MANBA: variants seen among roughly 807,000 people sequenced by gnomAD.
MANBA encodes the protein mannosidase beta.
Under a neutral mutation model 111.1 loss-of-function variants are expected in MANBA, and 83 were observed. That is an observed-to-expected ratio of 0.75 (90% CI 0.63 to 0.90). The LOEUF is 0.90. Ranked by LOEUF, MANBA falls within the 40% of genes least tolerant of loss-of-function variation. MANBA has a pLI of 0.00. For synonymous variants in MANBA, 370 were observed against 378.7 expected (o/e 0.98, Z 0.27); for missense variants, 1,036 against 1,069.0 (o/e 0.97, Z 0.43).
intron 1 of MANBA, chr4:102,729,954 A>T (rs1326809792): frequency 1.8e-6 from 2 of 1,104,630 alleles, no homozygotes; most frequent in Non-Finnish European, 1.4e-6. Flanking sequence ...AAGGGGGCTC[A>T]GCAGGCTCTG....
At chr4:102,727,896 T>A in intron 1 of MANBA, 1 of 523,978 alleles carries the variant, frequency 1.9e-6, no homozygotes, top group South Asian at 1.8e-5. Flanking sequence ...TTTATGAGGC[T>A]TTTCACTGCA....
At position 102,671,365 on chromosome 4, in the gene MANBA, A is replaced by C; in HGVS notation, c.1146T>G (p.Ala382=). The C allele has an allele frequency of 6.2e-7, 1 of 1,608,118 alleles. No individual in the cohort carries two copies. The highest frequency in any genetic ancestry group is 8.5e-7 in the Non-Finnish European group (1 of 1,174,660). The change falls in exon 9 of 17, where the codon GCT becomes GCG. Residue 382 remains alanine, a synonymous_variant. Transcript: ENST00000647097. ...LRLLLQSVVD[A]NMNTLRVWGG... ...CCCAAACCCGAAGAGTATTCATATT[A>C]GCATCCACAACAGACTGTAAAAGGA... is the stretch of plus-strand genomic sequence containing the variant.
At chr4:102,731,968 C>T (rs1016100806) in intron 1 of MANBA, among the ~76,000 whole-genome samples, 11 of 151,822 alleles carry the variant, frequency 7.2e-5, no homozygotes, top group African/African-American at 1.5e-4. Flanking sequence ...AGTGTAATGG[C>T]GCAATCCCAG....
Position 102,632,035 on chromosome 4 carries a change from T to C in MANBA, c.*22A>G, listed in dbSNP as rs760726619. On this transcript the variant is annotated 3_prime_UTR_variant, in exon 17 of 17. Coordinates refer to ENST00000647097, the MANE Select transcript of MANBA (RefSeq NM_005908.4). ...GAAATGCTTTATTCCCATTGTCCAC[T>C]GAAAATACAACCTAGATTCCTTCAG... 5.2e-6 allele frequency: 8 copies of C among 1,552,830 alleles called. No individual in the cohort carries two copies. The highest frequency in any genetic ancestry group is 7.1e-6 in the Non-Finnish European group (8 of 1,125,968).
Position 102,699,526 on chromosome 4 carries a change from C to T in MANBA, c.674-8755G>A, listed in dbSNP as rs1272701984. On this transcript the variant is annotated intron_variant, in intron 5 of 16. Transcript: ENST00000647097. Reference sequence around the variant, plus strand: ...AGATAGCTCTTATTATTTTGAGATACGTCCCATCAATACCTAATTTATTGA... The same window carrying T: ...AGATAGCTCTTATTATTTTGAGATATGTCCCATCAATACCTAATTTATTGA... Among the ~76,000 whole-genome samples the T allele has an allele frequency of 9.9e-3, 1,482 of 149,996 alleles. 22 individuals carry two copies. Among genetic ancestry groups the T allele is most frequent in the African/African-American group, 0.034 (1,367 of 40,598 alleles).
In MANBA at chr4:102,668,965, G is replaced by C; in HGVS notation, c.1315C>G (p.Gln439Glu). ...TTCTTGGAAGGGTAGTAACATACCT[G>C]GTAGGCAACTTCTGCTGTCACTGAA... ...LDSVTAEVAY[Q>E]IKRLKSHPSI... Residue 439 changes from glutamine to glutamate, a missense_variant and splice_region_variant, in exon 10 of 17, where the codon CAG becomes GAG. Transcript: ENST00000647097. 1 of 1,608,782 alleles carries C rather than the reference G, an allele frequency of 6.2e-7. No homozygotes were observed. The highest frequency in any genetic ancestry group is 1.7e-4 in the Middle Eastern group (1 of 6,052).
At chr4:102,734,690 T>A in intron 1 of MANBA, 1 of 984,568 alleles carries the variant, frequency 1.0e-6, no homozygotes, top group Non-Finnish European at 1.5e-6. Context: ...TATATCCTGT[T>A]CCCCCTCTCC....
At chr4:102,708,592 AACT>A (rs1297005837) in intron 5 of MANBA, among the ~76,000 whole-genome samples, 2 of 152,152 alleles carry the variant, frequency 1.3e-5, no homozygotes, top group Non-Finnish European at 2.9e-5. Flanking sequence ...CTCCTCAAGG[AACT>A]AGAAAAACAA....
At chr4:102,732,386 C>T (rs1034282202) in intron 1 of MANBA, among the ~76,000 whole-genome samples, 4 of 152,202 alleles carry the variant, frequency 2.6e-5, no homozygotes, top group East Asian at 1.9e-4. Context: ...CCTTAGGGAC[C>T]GTAACTCCAA....
chr4:102,648,336 A>G (rs1040166334), intron 13 of MANBA, among the ~76,000 whole-genome samples: 1 of 152,126 alleles, frequency 6.6e-6, no homozygotes, highest in Admixed American at 6.6e-5. Context: ...ATGTCCAGCA[A>G]CAGATGAACC....
chr4:102,637,642 C>A (rs1450867673), intron 14 of MANBA, among the ~76,000 whole-genome samples: 1 of 152,230 alleles, frequency 6.6e-6, no homozygotes, highest in Non-Finnish European at 1.5e-5. Context: ...GAAAGAGGAA[C>A]AAGTATTCAT....
intron 1 of MANBA, among the ~76,000 whole-genome samples, chr4:102,754,957 A>G (rs1723953258): frequency 6.6e-6 from 1 of 152,210 alleles, no homozygotes. Context: ...TATCCTGCTC[A>G]ATGAAATAAA....
intron 5 of MANBA, among the ~76,000 whole-genome samples, chr4:102,697,904 C>A (rs227376): frequency 0.64 from 97,338 of 151,046 alleles, 31,526 homozygotes; most frequent in South Asian, 0.79. Flanking sequence ...AATGGTATTT[C>A]TAGTTCTAGA....
At chr4:102,647,851 T>C (rs1730167994) in intron 13 of MANBA, among the ~76,000 whole-genome samples, 1 of 152,140 alleles carries the variant, frequency 6.6e-6, no homozygotes, top group Non-Finnish European at 1.5e-5. Context: ...GTTTCTATCA[T>C]GGGGTTTGTG....
At chr4:102,705,764 C>T (rs1216620106) in intron 5 of MANBA, among the ~76,000 whole-genome samples, 1 of 151,756 alleles carries the variant, frequency 6.6e-6, no homozygotes, top group South Asian at 2.1e-4. Flanking sequence ...GACAGGCCTG[C>T]CCTGGCTCTA....
chr4:102,752,383 T>A (rs1199619382), intron 1 of MANBA: 2 of 1,206,770 alleles, frequency 1.7e-6, no homozygotes, highest in Non-Finnish European at 2.5e-6. Flanking sequence ...TTCTTTGGTG[T>A]CACTGTCCCT....
chr4:102,727,768 C>A, intron 1 of MANBA: 2 of 727,138 alleles, frequency 2.8e-6, no homozygotes, highest in South Asian at 3.2e-5. Flanking sequence ...ATGTTTTGTT[C>A]AAAGGCATTT....
At chr4:102,642,049 G>C (rs1214839599) in intron 13 of MANBA, among the ~76,000 whole-genome samples, 1 of 151,970 alleles carries the variant, frequency 6.6e-6, no homozygotes, top group Non-Finnish European at 1.5e-5. Context: ...GTGGGTACCA[G>C]TCAAGGCTAA....
In MANBA at chr4:102,632,291, A is replaced by G. The variant is rs370291117; in HGVS notation, c.2416-10T>C. 4.2e-6 allele frequency: 1 copy of G among 237,880 alleles called. No homozygotes were observed. The highest frequency in any genetic ancestry group is 5.7e-6 in the Non-Finnish European group (1 of 175,170). The allele number at this position is 237,880 out of a possible 1,614,324, so 14.7% of individuals were successfully genotyped here. A position where few individuals can be genotyped will look rare whatever the true frequency, so the allele number is the denominator to read the frequency against. ...GCTGAGAGATGATGGCCTGAAAAAG[A>G]AAAAAAAAAATGAATGAAGTGAAGG... On this transcript the variant is annotated splice_polypyrimidine_tract_variant and intron_variant, in intron 16 of 16. Coordinates refer to ENST00000647097, the MANE Select transcript of MANBA (RefSeq NM_005908.4).
Sources: gnomAD v4.1 joint callset for allele counts (sites outside exome capture counted in the v4.1 genomes callset) on GRCh38, gnomAD v4.1.1 for gene constraint, MANE v1.5 for transcripts, NCBI Gene and HGNC (gene_info 2026-07-23, HGNC 2026-07-21) for gene names.